The following DLGAP2 variants were observed in gnomAD, a reference collection of about 807,000 sequenced individuals.
DLGAP2 encodes DLG associated protein 2.
In DLGAP2, 26 loss-of-function variants were observed where a neutral mutation model predicts 100.3. That is an observed-to-expected ratio of 0.26 (90% CI 0.19 to 0.36). The LOEUF (loss-of-function observed/expected upper bound fraction) is 0.36, where lower values mean the gene tolerates loss of function less well. Ranked by LOEUF, DLGAP2 falls within the 10% of genes least tolerant of loss-of-function variation. The pLI is 1.00. For missense variants in DLGAP2, 1,858 were observed against 1,453.2 expected (o/e 1.28, Z -4.53); for synonymous variants, 886 against 630.1 (o/e 1.41, Z -6.08).
intron 2 of DLGAP2, among the ~76,000 whole-genome samples, chr8:1,170,172 T>C (rs1377834853): frequency 1.3e-5 from 2 of 152,234 alleles, no homozygotes; most frequent in African/African-American, 4.8e-5. Context: ...TCTGTTTATA[T>C]GCTGGATTAC....
chr8:997,747 A>C (rs1800820810), intron 2 of DLGAP2, among the ~76,000 whole-genome samples: 1 of 152,248 alleles, frequency 6.6e-6, no homozygotes, highest in Non-Finnish European at 1.5e-5. Flanking sequence ...GAAAAATGAA[A>C]GTACTATTCC....
At chr8:1,038,942 G>A (rs770036220) in intron 2 of DLGAP2, among the ~76,000 whole-genome samples, 4 of 152,098 alleles carry the variant, frequency 2.6e-5, no homozygotes, top group East Asian at 1.9e-4. Flanking sequence ...GGATGCTTTC[G>A]TGTCTCTCCA....
chr8:794,849 C>G (rs1795991553), intron 1 of DLGAP2, among the ~76,000 whole-genome samples: 1 of 152,106 alleles, frequency 6.6e-6, no homozygotes, highest in African/African-American at 2.4e-5. Flanking sequence ...TTGGGATGAA[C>G]TGTTTGCTGG....
chr8:1,359,298 C>A (rs1355236871), intron 3 of DLGAP2, among the ~76,000 whole-genome samples: 1 of 152,240 alleles, frequency 6.6e-6, no homozygotes, highest in East Asian at 1.9e-4. Flanking sequence ...TCAGGCGGTC[C>A]ATGCGCCCTG....
chr8:800,393 C>T (rs1204898332), intron 1 of DLGAP2, among the ~76,000 whole-genome samples: 2 of 152,232 alleles, frequency 1.3e-5, no homozygotes, highest in Non-Finnish European at 2.9e-5. Context: ...GGGCTGTTTG[C>T]ACAATGAGTT....
At chr8:1,469,383 A>G (rs1401879151) in intron 3 of DLGAP2, among the ~76,000 whole-genome samples, 2 of 152,168 alleles carry the variant, frequency 1.3e-5, no homozygotes, top group Non-Finnish European at 2.9e-5. Flanking sequence ...GCCGGCTGTT[A>G]ATGCGTGGCC....
At chr8:852,199 G>C (rs1797194496) in intron 1 of DLGAP2, among the ~76,000 whole-genome samples, 1 of 152,120 alleles carries the variant, frequency 6.6e-6, no homozygotes, top group East Asian at 1.9e-4. Flanking sequence ...CTGAGGGATA[G>C]GAAATCTGTC....
At chr8:1,040,504 G>GTGCGTGGTTGGCTCGGTT (rs1802310954) in intron 2 of DLGAP2, among the ~76,000 whole-genome samples, 1 of 141,734 alleles carries the variant, frequency 7.1e-6, no homozygotes, top group Admixed American at 7.1e-5. Flanking sequence ...TCGTCTCGGT[G>GTGCGTGGTTGGCTCGGTT]TGCGTGGTTG....
intron 1 of DLGAP2, among the ~76,000 whole-genome samples, chr8:894,640 G>A (rs1325852204): frequency 8.1e-5 from 11 of 136,614 alleles, no homozygotes; most frequent in African/African-American, 2.5e-4. Flanking sequence ...GTGGGGTGGG[G>A]AGAGTGGAGT....
chr8:933,115 A>C (rs780243871), intron 2 of DLGAP2, among the ~76,000 whole-genome samples: 19 of 152,232 alleles, frequency 1.2e-4, no homozygotes, highest in Non-Finnish European at 2.8e-4. Flanking sequence ...AACCCTGCAC[A>C]GTGGCAGCTG....
rs866831144 is a variant in DLGAP2, at chr8:1,562,726, G to A, written c.1231-2957G>A. On this transcript the variant is annotated intron_variant, in intron 5 of 14. Transcript: ENST00000637795. ...TGTGGTGTTGGGGTGTCCGCGCCTC[G>A]TTACTGGGGGACTGTGTGGTGTTGG... Among the ~76,000 whole-genome samples, 143 of 21,280 alleles carry A rather than the reference G, an allele frequency of 6.7e-3. 2 individuals are homozygous for A. Among genetic ancestry groups the A allele is most frequent in the African/African-American group, 0.034 (133 of 3,954 alleles). The allele number at this position is 21,280 out of a possible 152,430, so 14.0% of individuals were successfully genotyped here.
intron 4 of DLGAP2, among the ~76,000 whole-genome samples, chr8:1,505,647 A>T (rs1274572126): frequency 6.6e-6 from 1 of 152,240 alleles, no homozygotes; most frequent in Admixed American, 6.5e-5. Context: ...TCACTGATAA[A>T]ATGAATTAAT....
chr8:1,493,932 G>C (rs1237818092), intron 3 of DLGAP2, among the ~76,000 whole-genome samples: 1 of 152,238 alleles, frequency 6.6e-6, no homozygotes, highest in African/African-American at 2.4e-5. Context: ...ACTATAAAAA[G>C]TGCAGTGTGG....
At chr8:1,119,405 C>G (rs1056339951) in intron 2 of DLGAP2, among the ~76,000 whole-genome samples, 9 of 152,218 alleles carry the variant, frequency 5.9e-5, no homozygotes, top group African/African-American at 1.9e-4. Context: ...TGCAGTGCGT[C>G]ATGTGAGTGC....
At chr8:1,165,703 G>C (rs1392782242) in intron 2 of DLGAP2, among the ~76,000 whole-genome samples, 1 of 152,154 alleles carries the variant, frequency 6.6e-6, no homozygotes. Flanking sequence ...TCAGTTTGCT[G>C]TGCAGGTGTT....
chr8:1,289,501 C>T (rs564474672), intron 3 of DLGAP2, among the ~76,000 whole-genome samples: 9 of 152,308 alleles, frequency 5.9e-5, no homozygotes, highest in African/African-American at 9.6e-5. Context: ...GTAAGACTCA[C>T]GTGCGGGGAT....
chr8:759,698 G>A (rs898049726), intron 1 of DLGAP2, among the ~76,000 whole-genome samples: 9 of 152,190 alleles, frequency 5.9e-5, no homozygotes, highest in African/African-American at 2.2e-4. Flanking sequence ...CCTGCGACTG[G>A]TTCCTGTGTG....
chr8:755,460 A>C (rs1820896451), intron 1 of DLGAP2, among the ~76,000 whole-genome samples: 1 of 152,200 alleles, frequency 6.6e-6, no homozygotes, highest in Non-Finnish European at 1.5e-5. Context: ...CTGTCTCAAA[A>C]AGAAAAAAAA....
At chr8:865,097 T>C (rs1797469506) in intron 1 of DLGAP2, among the ~76,000 whole-genome samples, 1 of 152,208 alleles carries the variant, frequency 6.6e-6, no homozygotes, top group Non-Finnish European at 1.5e-5. Context: ...ATGGCCGCTG[T>C]CCCTGTAGGA....
Sources: allele counts gnomAD v4.1 joint callset (sites outside exome capture counted in the v4.1 genomes callset), GRCh38; gene constraint gnomAD v4.1.1; transcripts MANE v1.5; gene names NCBI Gene and HGNC (gene_info 2026-07-23, HGNC 2026-07-21).